Variants in HIVEP3 observed in about 807,000 individuals in gnomAD.
HIVEP3 encodes the protein HIVEP zinc finger 3, also known as transcription factor HIVEP3.
HIVEP3 carries 49 observed loss-of-function variants against 152.8 expected under a neutral mutation model. The ratio of observed to expected loss-of-function variants is 0.32; its 90% CI spans 0.26 to 0.41. HIVEP3 has a LOEUF of 0.41. Among genes scored for constraint, HIVEP3 ranks in the 10% least tolerant of loss-of-function variants. The probability of loss-of-function intolerance (pLI) is 1.00; values close to 1 mark genes in which losing one functional copy is unlikely to be tolerated. For synonymous variants in HIVEP3, 1,269 were observed against 1,289.0 expected (o/e 0.98, Z 0.33); for missense variants, 2,790 against 3,103.3 (o/e 0.90, Z 2.40).
At chr1:41,572,435 G>T (rs1232024048) in intron 5 of HIVEP3, among the ~76,000 whole-genome samples, 2 of 152,168 alleles carry the variant, frequency 1.3e-5, no homozygotes, top group African/African-American at 4.8e-5. Flanking sequence ...CACCCTCTGG[G>T]CCCGGCCCCA....
intron 5 of HIVEP3, among the ~76,000 whole-genome samples, chr1:41,527,834 AATCCACTT>A (rs1643048825): frequency 8.7e-6 from 1 of 114,748 alleles, no homozygotes; most frequent in African/African-American, 3.5e-5. Context: ...TCACATTCAC[AATCCACTT>A]CCCCACCCTC....
intron 1 of HIVEP3, among the ~76,000 whole-genome samples, chr1:41,786,931 T>G (rs538754284): frequency 6.6e-6 from 1 of 152,130 alleles, no homozygotes; most frequent in South Asian, 2.1e-4. Context: ...TTTGTATTTT[T>G]AGTAGACACG....
chr1:41,787,622 C>T lies in HIVEP3; in HGVS notation c.-800-86627G>A, dbSNP rs191012743. On this transcript the variant is annotated intron_variant, in intron 1 of 8. Coordinates refer to ENST00000372583, the MANE Select transcript of HIVEP3 (RefSeq NM_024503.5). ...GATCATAGCTCACTGCAGCCTCAAA[C>T]TCCTGAGCTCCAGCGATCCTCCCAA... 4.0e-5 allele frequency among the ~76,000 whole-genome samples: 6 copies of T among 151,034 alleles called. No individual in the cohort carries two copies. The East Asian group carries it at 1.2e-3, about 29-fold the overall frequency.
intron 1 of HIVEP3, among the ~76,000 whole-genome samples, chr1:41,870,025 C>T (rs551860549): frequency 1.1e-4 from 17 of 152,240 alleles, no homozygotes; most frequent in Admixed American, 2.6e-4. Context: ...AGATTTGAAA[C>T]GGAGCAGAAT....
intron 2 of HIVEP3, among the ~76,000 whole-genome samples, chr1:41,700,569 A>G (rs1051445074): frequency 6.6e-6 from 1 of 152,096 alleles, no homozygotes; most frequent in Non-Finnish European, 1.5e-5. Flanking sequence ...GGGTTCACCG[A>G]GTCCCACTCC....
chr1:42,015,695 T>C (rs1390742935), intron 1 of HIVEP3, among the ~76,000 whole-genome samples: 2 of 152,218 alleles, frequency 1.3e-5, no homozygotes, highest in African/African-American at 2.4e-5. Context: ...CTGTAGCAAA[T>C]CAAAAGCTAA....
chr1:42,019,453 T>A (rs72672730), intron 1 of HIVEP3, among the ~76,000 whole-genome samples: 2,064 of 152,152 alleles, frequency 0.014, 25 homozygotes, highest in Non-Finnish European at 0.019. Context: ...AAATCTTACA[T>A]CTCTGTCACA....
In HIVEP3 at chr1:41,606,447, T is replaced by A. The variant is rs1425604387; in HGVS notation, c.-521-21129A>T. On this transcript the variant is annotated intron_variant, in intron 3 of 8. Transcript: ENST00000372583. ...TAATTAAGTCTACTCTATAGGATAA[T>A]TCTAAAAAGTGAAGCTAGTTAACAA... Among the ~76,000 whole-genome samples, 3 of 151,942 alleles carry A rather than the reference T, an allele frequency of 2.0e-5. 1 individual carries two copies. The highest frequency in any genetic ancestry group is 7.3e-5 in the African/African-American group (3 of 41,216).
chr1:41,548,779 A>AC (rs1266675528), intron 5 of HIVEP3, among the ~76,000 whole-genome samples: 2 of 151,924 alleles, frequency 1.3e-5, no homozygotes, highest in Non-Finnish European at 1.5e-5. Context: ...CAGGTGATCC[A>AC]CCCCACCTCA....
At chr1:41,670,077 G>A (rs1481034666) in intron 2 of HIVEP3, among the ~76,000 whole-genome samples, 5 of 152,192 alleles carry the variant, frequency 3.3e-5, no homozygotes, top group Non-Finnish European at 7.3e-5. Flanking sequence ...GGCAGAAGCC[G>A]TCAGTCCTCT....
At chr1:41,857,439 T>C (rs1460836690) in intron 1 of HIVEP3, among the ~76,000 whole-genome samples, 2 of 152,082 alleles carry the variant, frequency 1.3e-5, no homozygotes, top group Non-Finnish European at 2.9e-5. Context: ...GTGGTTTACA[T>C]GAAATCAATT....
intron 1 of HIVEP3, among the ~76,000 whole-genome samples, chr1:41,911,412 T>A (rs1391092364): frequency 6.6e-6 from 1 of 152,204 alleles, no homozygotes. Context: ...CAGCTGGATA[T>A]AGAAATTGGT....
At chr1:41,844,750 C>A (rs2124373959) in intron 1 of HIVEP3, among the ~76,000 whole-genome samples, 1 of 152,368 alleles carries the variant, frequency 6.6e-6, no homozygotes, top group East Asian at 1.9e-4. Flanking sequence ...TCAGACTAAA[C>A]TAACATCCAA....
intron 2 of HIVEP3, among the ~76,000 whole-genome samples, chr1:41,648,360 C>G (rs1645493517): frequency 6.6e-6 from 1 of 152,312 alleles, no homozygotes; most frequent in Admixed American, 6.5e-5. Context: ...TCCACTCAAC[C>G]ATCATCACCA....
At chr1:41,853,513 G>A (rs1399759503) in intron 1 of HIVEP3, among the ~76,000 whole-genome samples, 2 of 152,072 alleles carry the variant, frequency 1.3e-5, no homozygotes, top group Non-Finnish European at 2.9e-5. Context: ...ACAGCATGGG[G>A]GAAACTGCCC....
At chr1:42,031,841 A>C (rs1330919049) in intron 1 of HIVEP3, among the ~76,000 whole-genome samples, 1 of 152,220 alleles carries the variant, frequency 6.6e-6, no homozygotes, top group Non-Finnish European at 1.5e-5. Context: ...AACAAGAGTA[A>C]AATTAATTTA....
At chr1:41,753,485 T>C (rs1251598265) in intron 1 of HIVEP3, among the ~76,000 whole-genome samples, 2 of 151,958 alleles carry the variant, frequency 1.3e-5, no homozygotes, top group Non-Finnish European at 2.9e-5. Flanking sequence ...CTGGCCAACA[T>C]GGTGAAATCC....
intron 1 of HIVEP3, among the ~76,000 whole-genome samples, chr1:41,997,686 G>C (rs1048382950): frequency 2.6e-5 from 4 of 152,112 alleles, no homozygotes; most frequent in African/African-American, 9.7e-5. Context: ...ATAACATGAA[G>C]AAAGAAAACA....
At chr1:41,713,757 C>T (rs755972789) in intron 1 of HIVEP3, among the ~76,000 whole-genome samples, 25 of 152,218 alleles carry the variant, frequency 1.6e-4, no homozygotes, top group Admixed American at 4.6e-4. Flanking sequence ...GTTTTGACTG[C>T]TTCTGAGCAT....
Sources: allele counts gnomAD v4.1 joint callset (sites outside exome capture counted in the v4.1 genomes callset), GRCh38; gene constraint gnomAD v4.1.1; transcripts MANE v1.5; gene names NCBI Gene and HGNC (gene_info 2026-07-23, HGNC 2026-07-21).